The following FER variants were observed in gnomAD, a reference collection of about 807,000 sequenced individuals.
FER encodes the protein FER tyrosine kinase.
Under a neutral mutation model 111.0 loss-of-function variants are expected in FER, and 63 were observed. The ratio of observed to expected loss-of-function variants is 0.57; its 90% CI spans 0.46 to 0.70. The LOEUF is 0.70. Ranked by LOEUF, FER falls within the 30% of genes least tolerant of loss-of-function variation. The pLI, the probability that FER is intolerant of heterozygous loss-of-function variation, is 0.00. For synonymous variants in FER, 327 were observed against 313.9 expected (o/e 1.04, Z -0.44); for missense variants, 914 against 954.0 (o/e 0.96, Z 0.55).
At chr5:108,838,751 A>G (rs1317800548) in intron 5 of FER, among the ~76,000 whole-genome samples, 1 of 152,246 alleles carries the variant, frequency 6.6e-6, no homozygotes, top group African/African-American at 2.4e-5. Context: ...TAAAAATTAA[A>G]TGCACCTTAA....
At chr5:109,132,286 G>A (rs141274205) in intron 17 of FER, among the ~76,000 whole-genome samples, 112 of 152,254 alleles carry the variant, frequency 7.4e-4, no homozygotes, top group African/African-American at 2.4e-3. Flanking sequence ...ATAAGAAAGA[G>A]GAAATTCCTG....
chr5:108,849,285 A>T (rs992723847), intron 5 of FER, among the ~76,000 whole-genome samples: 8 of 152,172 alleles, frequency 5.3e-5, no homozygotes, highest in African/African-American at 1.9e-4. Context: ...CCAGTTACAC[A>T]TATATTAGGC....
chr5:108,960,103 T>C (rs1758946473), intron 13 of FER, among the ~76,000 whole-genome samples: 1 of 152,118 alleles, frequency 6.6e-6, no homozygotes, highest in Non-Finnish European at 1.5e-5. Context: ...AGCGTAGAAA[T>C]AGGAAAGCCA....
chr5:108,757,420 A>G (rs1751240823), intron 1 of FER, among the ~76,000 whole-genome samples: 1 of 152,172 alleles, frequency 6.6e-6, no homozygotes, highest in Non-Finnish European at 1.5e-5. Flanking sequence ...AGAAGTGGAG[A>G]GAGAATAAAG....
At chr5:108,775,872 G>T (rs547669303) in intron 2 of FER, among the ~76,000 whole-genome samples, 2 of 152,080 alleles carry the variant, frequency 1.3e-5, no homozygotes, top group Non-Finnish European at 2.9e-5. Context: ...AAAAGACCTC[G>T]CTTTGTATTC....
chr5:108,940,488 G>A (rs1561651041), intron 10 of FER, among the ~76,000 whole-genome samples: 1 of 152,072 alleles, frequency 6.6e-6, no homozygotes, highest in African/African-American at 2.4e-5. Context: ...GCTAAGGACA[G>A]AAGTAAACCT....
intron 17 of FER, among the ~76,000 whole-genome samples, chr5:109,170,355 T>A (rs529066547): frequency 6.6e-6 from 1 of 152,216 alleles, no homozygotes; most frequent in South Asian, 2.1e-4. Flanking sequence ...ACTCAGGGAT[T>A]AAAGAGTATA....
At chr5:109,068,320 G>T (rs1464473859) in intron 16 of FER, among the ~76,000 whole-genome samples, 1 of 151,716 alleles carries the variant, frequency 6.6e-6, no homozygotes, top group Middle Eastern at 3.2e-3. Flanking sequence ...AGTAGCTGGG[G>T]CTATAGGCGC....
intron 3 of FER, among the ~76,000 whole-genome samples, chr5:108,815,738 A>G (rs1212002428): frequency 6.6e-6 from 1 of 152,222 alleles, no homozygotes; most frequent in Non-Finnish European, 1.5e-5. Flanking sequence ...GATGTTACAT[A>G]TACCACATAG....
At chr5:108,844,107 C>CATATATGCGTGTGAACATAT (rs1237008730) in intron 5 of FER, among the ~76,000 whole-genome samples, 3 of 95,128 alleles carry the variant, frequency 3.2e-5, no homozygotes, top group Non-Finnish European at 6.8e-5. Flanking sequence ...TGTGTGTGAA[C>CATATATGCGTGTGAACATAT]ATGTGTGTGA....
intron 17 of FER, among the ~76,000 whole-genome samples, chr5:109,109,828 T>A (rs1434518552): frequency 6.6e-6 from 1 of 152,174 alleles, no homozygotes; most frequent in Non-Finnish European, 1.5e-5. Context: ...ATAGTGACAC[T>A]ATCTAAAAAG....
chr5:108,953,619 A>G (rs1372558445), intron 11 of FER, among the ~76,000 whole-genome samples: 2 of 152,086 alleles, frequency 1.3e-5, no homozygotes, highest in Non-Finnish European at 2.9e-5. Flanking sequence ...GTACGAAACA[A>G]TAAAGGCTAT....
chr5:109,101,745 C>T (rs1166840728), intron 17 of FER, among the ~76,000 whole-genome samples: 1 of 152,022 alleles, frequency 6.6e-6, no homozygotes, highest in Non-Finnish European at 1.5e-5. Context: ...GCATTTGATT[C>T]TGGATAAAAA....
chr5:109,172,433 A>G (rs908645045), intron 17 of FER, among the ~76,000 whole-genome samples: 3 of 135,426 alleles, frequency 2.2e-5, no homozygotes, highest in East Asian at 4.5e-4. Context: ...GAATTGAACA[A>G]TGAGAACACA....
chr5:108,985,732 C>G (rs1245649635), intron 13 of FER, among the ~76,000 whole-genome samples: 1 of 152,130 alleles, frequency 6.6e-6, no homozygotes, highest in Non-Finnish European at 1.5e-5. Flanking sequence ...ATAATGGTCC[C>G]CAGTTGCATC....
Position 109,190,981 on chromosome 5 carries a change from T to TTCTA in FER, c.*3412_*3415dup, listed in dbSNP as rs1273971148. On this transcript the variant is annotated 3_prime_UTR_variant, in exon 20 of 20. Transcript: ENST00000281092. ...TTTCCTTTAAACCATAATTTGGTTT[T>TTCTA]TCTATCTATATTATATTCAGTTCAG... 1 of 152,306 alleles carries TTCTA rather than the reference T, an allele frequency of 6.6e-6. No homozygotes were observed. The highest frequency in any genetic ancestry group is 2.1e-4 in the South Asian group (1 of 4,830). 9.4% of individuals were successfully genotyped at this position (152,306 alleles called of 1,614,324 possible). A position where few individuals can be genotyped will look rare whatever the true frequency, so the allele number is the denominator to read the frequency against.
chr5:109,160,107 A>G (rs1160017753), intron 17 of FER, among the ~76,000 whole-genome samples: 2 of 152,310 alleles, frequency 1.3e-5, no homozygotes, highest in South Asian at 4.1e-4. Context: ...CATGCTTACT[A>G]CATTCAGATG....
intron 13 of FER, among the ~76,000 whole-genome samples, chr5:108,964,565 A>G (rs943930727): frequency 1.3e-5 from 2 of 152,196 alleles, no homozygotes; most frequent in African/African-American, 4.8e-5. Context: ...TGGCTGAAGC[A>G]GAGTGGTCAA....
At chr5:108,804,633 C>G (rs988958767) in intron 3 of FER, among the ~76,000 whole-genome samples, 7 of 152,130 alleles carry the variant, frequency 4.6e-5, no homozygotes, top group Admixed American at 3.9e-4. Flanking sequence ...TGACAAATTA[C>G]AGTTATTGAT....
Sources: allele counts gnomAD v4.1 joint callset (sites outside exome capture counted in the v4.1 genomes callset), GRCh38; gene constraint gnomAD v4.1.1; transcripts MANE v1.5; gene names NCBI Gene and HGNC (gene_info 2026-07-23, HGNC 2026-07-21).